Variants in PPARGC1B observed in about 807,000 individuals in gnomAD.
PPARGC1B encodes peroxisome proliferator-activated receptor gamma coactivator 1-beta.
PPARGC1B carries 34 observed loss-of-function variants against 101.6 expected under a neutral mutation model. That is an observed-to-expected ratio of 0.33 (90% confidence interval 0.25 to 0.45). The LOEUF (loss-of-function observed/expected upper bound fraction) is 0.45. Ranked by LOEUF, PPARGC1B falls within the 20% of genes least tolerant of loss-of-function variation. The probability of loss-of-function intolerance (pLI) is 1.00; values close to 1 mark genes in which losing one functional copy is unlikely to be tolerated. For synonymous variants in PPARGC1B, 548 were observed against 539.3 expected (o/e 1.02, Z -0.22); for missense variants, 1,234 against 1,317.6 (o/e 0.94, Z 0.98).
Position 149,836,898 on chromosome 5 carries a change from G to C in PPARGC1B, c.2443G>C (p.Glu815Gln). The change falls in exon 8 of 12, where the codon GAG becomes CAG. Residue 815 changes from glutamate to glutamine, a missense_variant. Physicochemically the swap from Glu to Gln is conservative, Grantham distance 29. Transcript: ENST00000309241. ...LPEEEEEEGE[E>Q]EEEDDEEEDS... ...AGAGGAGGAAGAGGAAGAAGGGGAG[G>C]AGGAGGAGGAGGACGATGAAGAAGA... 1.9e-6 allele frequency: 3 copies of C among 1,613,214 alleles called. No individual in the cohort carries two copies. Among genetic ancestry groups the C allele is most frequent in the Non-Finnish European group, 2.5e-6 (3 of 1,179,862 alleles).
intron 1 of PPARGC1B, among the ~76,000 whole-genome samples, chr5:149,809,481 GATA>G (rs1757757809): frequency 4.0e-5 from 1 of 24,892 alleles, no homozygotes; most frequent in African/African-American, 1.3e-4. Context: ...CTCTACCATA[GATA>G]GATAGATAGA....
rs32588 is a variant in PPARGC1B at position 149,820,480 on chromosome 5, T to C, written c.126T>C (p.Leu42=). ...AACTCTATGCTGACTTTCCAGAACT[T>C]GACCTCTCCCAGCTGGATGCCAGCG... ...EEQLYADFPE[L]DLSQLDASDF... is the part of the protein sequence containing the mutation. Residue 42 remains leucine (L), a synonymous_variant, in exon 2 of 12, where the codon CTT becomes CTC. Coordinates refer to ENST00000309241, the MANE Select transcript of PPARGC1B (RefSeq NM_133263.4). 0.14 allele frequency: 233,731 copies of C among 1,613,744 alleles called. 20,157 individuals are homozygous for C. The highest frequency in any genetic ancestry group is 0.35 in the African/African-American group (26,303 of 74,930).
intron 1 of PPARGC1B, among the ~76,000 whole-genome samples, chr5:149,817,091 A>G (rs1292159842): frequency 2.0e-5 from 3 of 152,276 alleles, no homozygotes; most frequent in African/African-American, 7.2e-5. Context: ...CCTTGGGCTC[A>G]GTCCCCACGG....
At chr5:149,856,708 A>C (rs1043384918), downstream of PPARGC1B, among the ~76,000 whole-genome samples, 4 of 151,952 alleles carry the variant, frequency 2.6e-5, no homozygotes, top group African/African-American at 9.7e-5. Context: ...TTGCAGAAGC[A>C]GTATGGTACA....
chr5:149,818,856 G>A (rs1178701726), intron 1 of PPARGC1B: 1 of 456,560 alleles, frequency 2.2e-6, no homozygotes, highest in Non-Finnish European at 4.4e-6. Flanking sequence ...ATATAAGGCA[G>A]ATATTGTTGT....
intron 1 of PPARGC1B, among the ~76,000 whole-genome samples, chr5:149,776,602 G>C (rs979463593): frequency 1.3e-5 from 2 of 152,174 alleles, no homozygotes; most frequent in South Asian, 2.1e-4. Context: ...GGTGGTTGCT[G>C]GTTTGATGAG....
At chr5:149,802,468 G>T (rs1368849356) in intron 1 of PPARGC1B, among the ~76,000 whole-genome samples, 3 of 151,660 alleles carry the variant, frequency 2.0e-5, no homozygotes, top group African/African-American at 7.3e-5. Flanking sequence ...CCCATCTGTT[G>T]TGGCCCCATG....
Position 149,832,622 on chromosome 5 carries a change from C to A in PPARGC1B, c.583-34C>A. 6.7e-7 allele frequency: 1 copy of A among 1,493,626 alleles called. No individual in the cohort carries two copies. Among genetic ancestry groups the A allele is most frequent in the Non-Finnish European group, 9.0e-7 (1 of 1,113,642 alleles). The allele number at this position is 1,493,626 out of a possible 1,614,324, so 92.5% of individuals were successfully genotyped here. ...AGACACATGGGAGGAGTGTTTGGGCCTCCTTCCTCACTCTGGCCTCTCTCC... is the reference window on the plus strand; with the variant it reads ...AGACACATGGGAGGAGTGTTTGGGCATCCTTCCTCACTCTGGCCTCTCTCC... On this transcript the variant is annotated intron_variant, in intron 4 of 11. Coordinates refer to ENST00000309241, the MANE Select transcript of PPARGC1B (RefSeq NM_133263.4). This position sits in a 1 kb window ranked among gnomAD's most constrained non-coding sequence, Gnocchi z 4.9.
chr5:149,842,345 T>C lies in PPARGC1B; in HGVS notation c.2784T>C (p.Ile928=). Residue 928 remains isoleucine, a synonymous_variant, in exon 10 of 12, where the codon ATT becomes ATC. Transcript: ENST00000309241. ...GGCGCTTTGAAGTGTTTGGTGAGAT[T>C]GAGGAGTGCGAGGTGCTGACAAGAA... ...LKRRFEVFGE[I]EECEVLTRNR... is the part of the protein sequence containing the mutation. The C allele has an allele frequency of 6.2e-7, 1 of 1,613,958 alleles. No homozygotes were observed. The highest frequency in any genetic ancestry group is 8.5e-7 in the Non-Finnish European group (1 of 1,179,978).
chr5:149,818,474 T>G (rs1260101458), intron 1 of PPARGC1B, among the ~76,000 whole-genome samples: 1 of 152,188 alleles, frequency 6.6e-6, no homozygotes, highest in African/African-American at 2.4e-5. Flanking sequence ...ACCGGCCGCT[T>G]GAGAGGACCT....
intron 1 of PPARGC1B, among the ~76,000 whole-genome samples, chr5:149,781,163 C>CCACTGCA (rs1159351234): frequency 6.6e-6 from 1 of 151,500 alleles, no homozygotes; most frequent in Non-Finnish European, 1.5e-5. Context: ...CGAGATTGTG[C>CCACTGCA]CACTGCACTC....
intron 7 of PPARGC1B, 87 bp from the exon 8 acceptor site, chr5:149,836,176 A>T: frequency 8.5e-7 from 1 of 1,170,230 alleles, no homozygotes; most frequent in Non-Finnish European, 1.2e-6. Context: ...GGTGTGAGCT[A>T]CCAGGCTTGG....
intron 1 of PPARGC1B, among the ~76,000 whole-genome samples, chr5:149,737,007 A>C (rs1754739850): frequency 6.6e-6 from 1 of 152,128 alleles, no homozygotes; most frequent in Admixed American, 6.5e-5. Context: ...ACAGGTATCT[A>C]CCATGGTAAC....
At chr5:149,742,539 G>A (rs1423386025) in intron 1 of PPARGC1B, among the ~76,000 whole-genome samples, 1 of 152,208 alleles carries the variant, frequency 6.6e-6, no homozygotes, top group African/African-American at 2.4e-5. Flanking sequence ...TTTGGACTTG[G>A]CAGGCAGTGG....
intron 1 of PPARGC1B, among the ~76,000 whole-genome samples, chr5:149,797,514 T>C (rs546657959): frequency 2.1e-4 from 32 of 152,392 alleles, no homozygotes; most frequent in Admixed American, 1.7e-3. Flanking sequence ...CACTAGCTCT[T>C]GTTATTTGTT....
At chr5:149,799,687 G>GTTTTTTTTTTTTTTTTTTT (rs1561553708) in intron 1 of PPARGC1B, among the ~76,000 whole-genome samples, 1 of 85,438 alleles carries the variant, frequency 1.2e-5, no homozygotes, top group African/African-American at 4.2e-5. Flanking sequence ...TTGTTTGCTT[G>GTTTTTTTTTTTTTTTTTTT]TTGTTGTTTT....
intron 4 of PPARGC1B, among the ~76,000 whole-genome samples, chr5:149,831,358 C>T (rs556434077): frequency 1.3e-5 from 2 of 152,228 alleles, no homozygotes; most frequent in East Asian, 1.9e-4. Flanking sequence ...CAAGAAGAGG[C>T]GTAACAGGTG....
At chr5:149,797,491 T>G (rs959174786) in intron 1 of PPARGC1B, among the ~76,000 whole-genome samples, 1 of 152,220 alleles carries the variant, frequency 6.6e-6, no homozygotes. Flanking sequence ...TTATAAGTAA[T>G]TATTAGGCAT....
intron 1 of PPARGC1B, among the ~76,000 whole-genome samples, chr5:149,795,791 G>A (rs537101463): frequency 1.1e-5 from 1 of 90,860 alleles, no homozygotes; most frequent in African/African-American, 3.2e-5. Flanking sequence ...GTGGGGGCAG[G>A]GGGGGATGAT....
Sources: gnomAD v4.1 joint callset for allele counts (sites outside exome capture counted in the v4.1 genomes callset) on GRCh38, gnomAD v4.1.1 for gene constraint, Gnocchi (gnomAD v3.1) non-coding constraint, MANE v1.5 for transcripts, NCBI Gene and HGNC (gene_info 2026-07-23, HGNC 2026-07-21) for gene names.